GPHN: variants seen among roughly 807,000 people sequenced by gnomAD.
The protein encoded by GPHN is gephyrin.
GPHN carries 17 observed loss-of-function variants against 95.5 expected under a neutral mutation model. The ratio of observed to expected loss-of-function variants is 0.18; its 90% CI spans 0.12 to 0.27. The LOEUF is 0.27. Ranked by LOEUF, GPHN falls within the 10% of genes least tolerant of loss-of-function variation. The pLI, the probability that GPHN is intolerant of heterozygous loss-of-function variation, is 1.00. For missense variants in GPHN, 660 were observed against 978.1 expected, an observed-to-expected ratio of 0.67 and a Z score of 4.34; for synonymous variants, 320 against 322.5, an observed-to-expected ratio of 0.99 and a Z score of 0.08.
At chr14:66,594,050 T>G (rs916490985) in intron 1 of GPHN, among the ~76,000 whole-genome samples, 2 of 152,130 alleles carry the variant, frequency 1.3e-5, no homozygotes, top group African/African-American at 4.8e-5. Context: ...AAAAGGAAAT[T>G]GAGAACACAA....
chr14:66,789,622 T>A (rs994925918), intron 3 of GPHN, among the ~76,000 whole-genome samples: 1 of 152,188 alleles, frequency 6.6e-6, no homozygotes, highest in African/African-American at 2.4e-5. Flanking sequence ...ATTAAGGGTC[T>A]CATTTTTATA....
the GPHN span, among the ~76,000 whole-genome samples, chr14:67,315,798 C>T: frequency 6.6e-6 from 1 of 152,098 alleles, no homozygotes; most frequent in Non-Finnish European, 1.5e-5. Context: ...GGTGGCGGGC[C>T]CCTGTAATCC....
At chr14:67,700,159 A>C in the GPHN span, among the ~76,000 whole-genome samples, 1 of 152,154 alleles carries the variant, frequency 6.6e-6, no homozygotes, top group Non-Finnish European at 1.5e-5. Flanking sequence ...GATTTAATTA[A>C]AATACAGGAA....
the GPHN span, among the ~76,000 whole-genome samples, chr14:67,489,806 T>C: frequency 5.6e-4 from 85 of 152,186 alleles, no homozygotes; most frequent in South Asian, 6.0e-3. Flanking sequence ...CTGGCTAACA[T>C]GGTGAAACCC....
chr14:66,667,597 C>G (rs1051605470), intron 1 of GPHN, among the ~76,000 whole-genome samples: 11 of 152,182 alleles, frequency 7.2e-5, no homozygotes, highest in Admixed American at 2.6e-4. Context: ...ACTGGCTAGC[C>G]ATAGGTCGAA....
intron 3 of GPHN, among the ~76,000 whole-genome samples, chr14:66,812,113 A>G (rs1235160391): frequency 6.6e-6 from 1 of 152,200 alleles, no homozygotes; most frequent in African/African-American, 2.4e-5. Flanking sequence ...GGGAAATCCT[A>G]GAAAGGAGAG....
At chr14:67,364,193 TTTTAG>T in the GPHN span, 1 of 152,136 alleles carries the variant, frequency 6.6e-6, no homozygotes, top group East Asian at 1.9e-4. Flanking sequence ...GGAGGATGCA[TTTTAG>T]TTTATTTTGT....
chr14:67,636,452 C>T, the GPHN span, among the ~76,000 whole-genome samples: 1 of 152,334 alleles, frequency 6.6e-6, no homozygotes, highest in East Asian at 1.9e-4. Context: ...ATCTGTAGAG[C>T]GTGTAGCACA....
At chr14:67,513,640 T>C in the GPHN span, among the ~76,000 whole-genome samples, 2 of 152,222 alleles carry the variant, frequency 1.3e-5, no homozygotes, top group South Asian at 4.1e-4. Flanking sequence ...CAAAGTGTCC[T>C]GACAGGCCCA....
At chr14:66,618,873 A>G (rs375729236) in intron 1 of GPHN, among the ~76,000 whole-genome samples, 3 of 152,202 alleles carry the variant, frequency 2.0e-5, no homozygotes, top group African/African-American at 7.2e-5. Context: ...ATCACACTCT[A>G]CAAGTTTCCC....
chr14:66,545,909 G>T (rs2059571278), intron 1 of GPHN, among the ~76,000 whole-genome samples: 1 of 151,458 alleles, frequency 6.6e-6, no homozygotes, highest in African/African-American at 2.4e-5. Context: ...GCCTAGCGGT[G>T]GGTGACCTCC....
At chr14:66,729,389 A>G (rs557675714) in intron 2 of GPHN, among the ~76,000 whole-genome samples, 345 of 152,356 alleles carry the variant, frequency 2.3e-3, no homozygotes, top group African/African-American at 7.8e-3. Flanking sequence ...TCCAAAAATC[A>G]TGAACGAAGA....
At chr14:66,660,541 A>AT (rs111717236) in intron 1 of GPHN, among the ~76,000 whole-genome samples, 138 of 150,308 alleles carry the variant, frequency 9.2e-4, no homozygotes, top group Middle Eastern at 3.4e-3. Flanking sequence ...GAATGTCGTA[A>AT]TTTTTTTTTT....
At chr14:67,292,862 G>GTT in the GPHN span, 264 of 595,732 alleles carry the variant, frequency 4.4e-4, no homozygotes, top group Non-Finnish European at 6.4e-4. Flanking sequence ...TATTGTGACA[G>GTT]TTTACTACAT....
At chr14:67,193,779 CAA>C in the GPHN span, among the ~76,000 whole-genome samples, 6 of 88,818 alleles carry the variant, frequency 6.8e-5, no homozygotes, top group Non-Finnish European at 7.2e-5. Context: ...CCAATTTCTA[CAA>C]AAAAAAAAAA....
At chr14:67,552,925 A>G in the GPHN span, among the ~76,000 whole-genome samples, 1 of 152,216 alleles carries the variant, frequency 6.6e-6, no homozygotes, top group African/African-American at 2.4e-5. Flanking sequence ...CAGTAATAGC[A>G]TGTGCATGGG....
chr14:67,633,734 T>C, the GPHN span, among the ~76,000 whole-genome samples: 6 of 152,250 alleles, frequency 3.9e-5, no homozygotes, highest in African/African-American at 1.4e-4. Context: ...CCCCGGCTCC[T>C]GCCGCATCTC....
chr14:66,683,794 G>A (rs1407772716), intron 2 of GPHN, among the ~76,000 whole-genome samples: 6 of 151,416 alleles, frequency 4.0e-5, no homozygotes, highest in East Asian at 3.9e-4. Flanking sequence ...TGGCTAACAC[G>A]GTGAAACCCC....
At chr14:66,924,368 C>T in intron 8 of GPHN, 76 bp downstream of exon 8, 1 of 818,724 alleles carries the variant, frequency 1.2e-6, no homozygotes, top group Non-Finnish European at 2.1e-6. Context: ...TAGGCTGTAA[C>T]ATATGGAAGA....
Sources: gnomAD v4.1 joint callset for allele counts (sites outside exome capture counted in the v4.1 genomes callset) on GRCh38, gnomAD v4.1.1 for gene constraint, MANE v1.5 for transcripts, NCBI Gene and HGNC (gene_info 2026-07-23, HGNC 2026-07-21) for gene names.